Variants in PRKD1 observed in about 807,000 individuals in gnomAD.
The protein encoded by PRKD1 is protein kinase D1.
Under a neutral mutation model 95.9 loss-of-function variants are expected in PRKD1, and 63 were observed. The ratio of observed to expected loss-of-function variants is 0.66; its 90% CI spans 0.54 to 0.81. PRKD1 has a LOEUF of 0.81. PRKD1 is among the 30% of genes least tolerant of loss of function. The pLI is 0.00. For synonymous variants in PRKD1, 425 were observed against 423.1 expected, an observed-to-expected ratio of 1.00 and a Z score of -0.05; for missense variants, 1,048 against 1,165.3, an observed-to-expected ratio of 0.90 and a Z score of 1.47.
At chr14:29,830,309 A>T (rs1891352179) in intron 1 of PRKD1, among the ~76,000 whole-genome samples, 1 of 152,168 alleles carries the variant, frequency 6.6e-6, no homozygotes, top group Admixed American at 6.6e-5. Context: ...TCTATCCCAG[A>T]GTGTGTATTG....
chr14:29,877,257 T>C (rs1055055865), intron 1 of PRKD1, among the ~76,000 whole-genome samples: 1 of 152,222 alleles, frequency 6.6e-6, no homozygotes, highest in Non-Finnish European at 1.5e-5. Context: ...CTGGTAGGGA[T>C]GTAAAATGTT....
At chr14:29,671,340 G>A (rs187053214) in intron 2 of PRKD1, among the ~76,000 whole-genome samples, 198 of 152,248 alleles carry the variant, frequency 1.3e-3, no homozygotes, top group Non-Finnish European at 1.5e-3. Flanking sequence ...GACCAGCACA[G>A]AGTCAGGTTG....
At chr14:29,723,670 CGTGTGTGT>C (rs58797570) in intron 2 of PRKD1, among the ~76,000 whole-genome samples, 6 of 149,646 alleles carry the variant, frequency 4.0e-5, no homozygotes, top group Non-Finnish European at 7.4e-5. Flanking sequence ...ATTGAGTGTG[CGTGTGTGT>C]GTGTGTGTGT....
At chr14:29,657,477 C>T (rs931306766) in intron 4 of PRKD1, 1 of 152,200 alleles carries the variant, frequency 6.6e-6, no homozygotes, top group African/African-American at 2.4e-5. Context: ...CCTCAGTCCT[C>T]ATTTGCAATC....
intron 2 of PRKD1, among the ~76,000 whole-genome samples, chr14:29,679,402 C>A (rs539755619): frequency 6.6e-6 from 1 of 152,244 alleles, no homozygotes; most frequent in East Asian, 1.9e-4. Context: ...TTTTTTGGCT[C>A]CTTCCACATT....
intron 2 of PRKD1, among the ~76,000 whole-genome samples, chr14:29,685,135 T>C (rs1184193762): frequency 6.6e-6 from 1 of 152,208 alleles, no homozygotes; most frequent in Non-Finnish European, 1.5e-5. Flanking sequence ...CTTCTTGCCA[T>C]TTCCCATTCA....
chr14:29,734,225 A>G (rs1886607024), intron 1 of PRKD1, among the ~76,000 whole-genome samples: 6 of 151,704 alleles, frequency 4.0e-5, no homozygotes, highest in Admixed American at 3.9e-4. Context: ...TATTTTTAGT[A>G]GAGACGGGGT....
chr14:29,876,606 C>G (rs1893298526), intron 1 of PRKD1, among the ~76,000 whole-genome samples: 1 of 150,940 alleles, frequency 6.6e-6, no homozygotes, highest in South Asian at 2.1e-4. Context: ...ATTATCATGA[C>G]AGTGAGACAA....
intron 17 of PRKD1, among the ~76,000 whole-genome samples, chr14:29,577,711 C>T (rs1892607691): frequency 6.6e-6 from 1 of 152,154 alleles, no homozygotes; most frequent in African/African-American, 2.4e-5. Context: ...GTCAAGCAAT[C>T]AGGAATGCCA....
chr14:29,627,160 T>C (rs1594374364), intron 11 of PRKD1, among the ~76,000 whole-genome samples: 1 of 152,366 alleles, frequency 6.6e-6, no homozygotes, highest in Middle Eastern at 3.4e-3. Flanking sequence ...TTACTATAAG[T>C]ATTGAAAAAG....
At chr14:29,647,133 C>T (rs2139164036) in intron 4 of PRKD1, among the ~76,000 whole-genome samples, 1 of 152,126 alleles carries the variant, frequency 6.6e-6, no homozygotes, top group African/African-American at 2.4e-5. Flanking sequence ...CTGTGTTATA[C>T]CATGGAGAAT....
At chr14:29,692,661 TA>T (rs887460657) in intron 2 of PRKD1, among the ~76,000 whole-genome samples, 6 of 151,078 alleles carry the variant, frequency 4.0e-5, no homozygotes, top group East Asian at 1.9e-4. Context: ...TGTACCCATT[TA>T]AAAAAAAAGG....
chr14:29,687,530 G>A (rs1427227006), intron 2 of PRKD1, among the ~76,000 whole-genome samples: 1 of 152,242 alleles, frequency 6.6e-6, no homozygotes, highest in Admixed American at 6.5e-5. Flanking sequence ...AGTTGTTGCA[G>A]AGAGAGTTAG....
rs779749535 is a variant in PRKD1, at chr14:29,638,765, G to T, written c.836C>A (p.Thr279Asn). The change falls in exon 5 of 18, where the codon ACC becomes AAC. Residue 279 changes from threonine (T) to asparagine (N), a missense_variant. Thr to Asn is a moderately conservative substitution (Grantham distance 65, BLOSUM62 0). Around this residue, in one of 3 missense-constraint regions of PRKD1, gnomAD observed 739 missense variants for 861.9 expected, o/e 0.86. Coordinates refer to ENST00000331968, the MANE Select transcript of PRKD1 (RefSeq NM_002742.3). ...VPHTFVIHSY[T>N]RPTVCQYCKK... is the part of the protein sequence containing the mutation. ...GCAGTACTGGCACACTGTGGGCCGG[G>T]TGTAGGAGTGGATGACAAATGTGTG... The T allele has an allele frequency of 1.9e-6, 3 of 1,614,030 alleles. No homozygotes were observed. Among genetic ancestry groups the T allele is most frequent in the Non-Finnish European group, 2.5e-6 (3 of 1,179,980 alleles).
chr14:29,734,322 G>C (rs1886613726), intron 1 of PRKD1, among the ~76,000 whole-genome samples: 1 of 152,020 alleles, frequency 6.6e-6, no homozygotes. Context: ...TTACGGGTGT[G>C]AGCCACTGCG....
chr14:29,851,212 A>G (rs1305833546), intron 1 of PRKD1, among the ~76,000 whole-genome samples: 1 of 152,166 alleles, frequency 6.6e-6, no homozygotes, highest in African/African-American at 2.4e-5. Context: ...CAATGAAAAC[A>G]GAAATTGACA....
At chr14:29,917,556 G>T (rs1894933635) in intron 1 of PRKD1, among the ~76,000 whole-genome samples, 1 of 151,952 alleles carries the variant, frequency 6.6e-6, no homozygotes, top group Non-Finnish European at 1.5e-5. Flanking sequence ...AGTTGATGTA[G>T]AAATACGTTT....
At chr14:29,771,525 G>A (rs1274364407) in intron 1 of PRKD1, among the ~76,000 whole-genome samples, 2 of 152,058 alleles carry the variant, frequency 1.3e-5, no homozygotes, top group African/African-American at 4.8e-5. Context: ...CATGCACAGA[G>A]TGCACAAGCA....
At chr14:29,819,706 T>G (rs970302636) in intron 1 of PRKD1, among the ~76,000 whole-genome samples, 9 of 151,470 alleles carry the variant, frequency 5.9e-5, no homozygotes, top group Non-Finnish European at 7.4e-5. Flanking sequence ...TAAAATAAAA[T>G]AAAATAACAT....
Sources: allele counts gnomAD v4.1 joint callset (sites outside exome capture counted in the v4.1 genomes callset), GRCh38; gene constraint gnomAD v4.1.1; regional missense constraint gnomAD v4.1.1; transcripts MANE v1.5; gene names NCBI Gene and HGNC (gene_info 2026-07-23, HGNC 2026-07-21).